Variants in ADCYAP1R1 observed in about 807,000 individuals in gnomAD.
The protein encoded by ADCYAP1R1 is pituitary adenylate cyclase-activating polypeptide type I receptor.
Under a neutral mutation model 67.6 loss-of-function variants are expected in ADCYAP1R1, and 44 were observed. The observed-to-expected ratio is 0.65, with a 90% CI of 0.51 to 0.84. ADCYAP1R1 has a LOEUF of 0.84. Ranked by LOEUF, ADCYAP1R1 falls within the 40% of genes least tolerant of loss-of-function variation. ADCYAP1R1 has a pLI of 0.00. For missense variants in ADCYAP1R1, 477 were observed against 587.9 expected (o/e 0.81, Z 1.95); for synonymous variants, 222 against 219.6 (o/e 1.01, Z -0.10).
chr7:31,080,773 C>T (rs1795484112), intron 5 of ADCYAP1R1, 140 bp downstream of exon 5: 2 of 841,238 alleles, frequency 2.4e-6, no homozygotes, highest in South Asian at 1.7e-5. Flanking sequence ...AGGTTCTTTC[C>T]TCCTTCCTTC....
chr7:31,100,202 C>A (rs143992055), intron 13 of ADCYAP1R1: 1 of 1,550,568 alleles, frequency 6.4e-7, no homozygotes, highest in East Asian at 2.4e-5. Context: ...AACTGTCCAC[C>A]ATTACTCTGT....
intron 3 of ADCYAP1R1, among the ~76,000 whole-genome samples, chr7:31,076,994 G>A (rs1795257801): frequency 6.6e-6 from 1 of 152,172 alleles, no homozygotes; most frequent in African/African-American, 2.4e-5. Flanking sequence ...GTGCAGCTGT[G>A]GGGCTGCGGG....
At chr7:31,054,227 T>C (rs904861109) in intron 1 of ADCYAP1R1, among the ~76,000 whole-genome samples, 1 of 152,096 alleles carries the variant, frequency 6.6e-6, no homozygotes, top group African/African-American at 2.4e-5. Context: ...GCCTGATACT[T>C]TTCCTCTTTG....
At chr7:31,060,798 C>T (rs573959733) in intron 1 of ADCYAP1R1, among the ~76,000 whole-genome samples, 1 of 152,338 alleles carries the variant, frequency 6.6e-6, no homozygotes, top group East Asian at 1.9e-4. Flanking sequence ...CCGGCTCCCC[C>T]ACCCCACCAG....
At chr7:31,094,350 C>G (rs1028085206) in intron 13 of ADCYAP1R1, among the ~76,000 whole-genome samples, 1 of 152,138 alleles carries the variant, frequency 6.6e-6, no homozygotes, top group South Asian at 2.1e-4. Context: ...AATAGGGCCC[C>G]GCTGCTCGCC....
chr7:31,096,432 C>G (rs894155173), intron 13 of ADCYAP1R1, among the ~76,000 whole-genome samples: 2 of 152,186 alleles, frequency 1.3e-5, no homozygotes, highest in Admixed American at 1.3e-4. Context: ...CACAGCACCT[C>G]CTCCCCTGCC....
At chr7:31,053,572 G>C (rs1794117743) in intron 1 of ADCYAP1R1, among the ~76,000 whole-genome samples, 1 of 152,248 alleles carries the variant, frequency 6.6e-6, no homozygotes, top group Non-Finnish European at 1.5e-5. Flanking sequence ...GTGGAGCTGA[G>C]GAGGGGAGCC....
Position 31,086,686 on chromosome 7 carries a change from TTCTC to T in ADCYAP1R1, c.823+150_823+153del. On this transcript the variant is annotated intron_variant, in intron 10 of 15. Coordinates refer to ENST00000304166, the MANE Select transcript of ADCYAP1R1 (RefSeq NM_001118.5). The surrounding 1 kb of genome is among the most constrained non-coding windows in gnomAD (Gnocchi z 5.0). ...TGGCCTAGGCTCTGTCTTGGACTCT[TTCTC>T]AATCTTCTTGCCTGTGGAAAGCCCA... 9.6e-7 allele frequency: 1 copy of T among 1,039,268 alleles called. No homozygotes were observed. Among genetic ancestry groups the T allele is most frequent in the East Asian group, 2.6e-5 (1 of 39,138 alleles). The allele number at this position is 1,039,268 out of a possible 1,614,324, so 64.4% of individuals were successfully genotyped here. A position where few individuals can be genotyped will look rare whatever the true frequency, so the allele number is the denominator to read the frequency against.
At chr7:31,080,444 C>G (rs1258755618) in intron 4 of ADCYAP1R1, among the ~76,000 whole-genome samples, 169 bp from the exon 5 acceptor site, 1 of 152,132 alleles carries the variant, frequency 6.6e-6, no homozygotes, top group Non-Finnish European at 1.5e-5. Context: ...TCCAGTGTCC[C>G]CAGCTTATAG....
intron 1 of ADCYAP1R1, among the ~76,000 whole-genome samples, chr7:31,054,489 G>A (rs566736873): frequency 2.0e-5 from 3 of 152,304 alleles, no homozygotes; most frequent in Admixed American, 6.5e-5. Context: ...TCTGTTGTGC[G>A]TCAACTTTGG....
intron 4 of ADCYAP1R1, among the ~76,000 whole-genome samples, chr7:31,078,651 G>C (rs1223232688): frequency 6.6e-6 from 1 of 152,230 alleles, no homozygotes; most frequent in Non-Finnish European, 1.5e-5. Context: ...CACATGCAGA[G>C]CCACTTAGAC....
intron 6 of ADCYAP1R1, among the ~76,000 whole-genome samples, chr7:31,082,015 T>C (rs539292122): frequency 6.6e-6 from 1 of 152,358 alleles, no homozygotes; most frequent in Admixed American, 6.5e-5. Flanking sequence ...AGCTCCTGGA[T>C]TGGATGATCC....
chr7:31,052,511 C>T lies in ADCYAP1R1; in HGVS notation c.-239C>T, dbSNP rs1255002843. The T allele has an allele frequency of 6.7e-6, 1 of 150,354 alleles. No homozygotes were observed. Among genetic ancestry groups the T allele is most frequent in the Non-Finnish European group, 1.5e-5 (1 of 67,484 alleles). The allele number at this position is 150,354 out of a possible 1,614,324, so 9.3% of individuals were successfully genotyped here. A position where few individuals can be genotyped will look rare whatever the true frequency, so the allele number is the denominator to read the frequency against. ...ACGCACACGCCGCCGCGCAGGGACA[C>T]ACGGACCCCGGCCGCCAGCCGGCCA... On this transcript the variant is annotated 5_prime_UTR_variant, in exon 1 of 16. Coordinates refer to ENST00000304166, the MANE Select transcript of ADCYAP1R1 (RefSeq NM_001118.5).
At chr7:31,064,979 C>A in intron 3 of ADCYAP1R1, 43 bp downstream of exon 3, 1 of 1,459,096 alleles carries the variant, frequency 6.9e-7, no homozygotes, top group South Asian at 1.3e-5. Flanking sequence ...CCAGTGCCAG[C>A]TTTTAGAACT....
rs1321341188 is a variant in ADCYAP1R1 at position 31,095,825 on chromosome 7, C to T, written c.1046+3090C>T. 7.2e-6 allele frequency: 5 copies of T among 697,518 alleles called. No homozygotes were observed. The East Asian group carries it at 1.3e-4, about 19-fold the overall frequency. The allele number at this position is 697,518 out of a possible 1,614,324, so 43.2% of individuals were successfully genotyped here. ...CAAGACGGTATTCCTGGCCCAGCCT[C>T]AGAAGCACCTGATGGGGTCTGGGGC... On this transcript the variant is annotated intron_variant, in intron 13 of 15. Transcript: ENST00000304166.
intron 3 of ADCYAP1R1, among the ~76,000 whole-genome samples, chr7:31,069,375 A>G (rs1374637623): frequency 1.3e-5 from 2 of 152,208 alleles, no homozygotes; most frequent in African/African-American, 4.8e-5. Flanking sequence ...CATGCACAGA[A>G]CGCTGGCCAA....
At position 31,065,595 on chromosome 7, in the gene ADCYAP1R1, G is replaced by C. The variant is rs182916281; in HGVS notation, c.157+659G>C. On this transcript the variant is annotated intron_variant, in intron 3 of 15. Transcript: ENST00000304166. ...TTCAAATGTCCCAAGGGAGTGGCAC[G>C]ATCCCTGGTAAGAACCAGTGGCCCC... Among the ~76,000 whole-genome samples the C allele has an allele frequency of 3.9e-5, 6 of 152,260 alleles. No individual in the cohort carries two copies. The East Asian group carries it at 9.7e-4, about 25-fold the overall frequency.
At chr7:31,067,474 G>A (rs531827054) in intron 3 of ADCYAP1R1, among the ~76,000 whole-genome samples, 1 of 151,998 alleles carries the variant, frequency 6.6e-6, no homozygotes, top group East Asian at 1.9e-4. Flanking sequence ...CTTCCTGTGT[G>A]CCAGGCTCTG....
In ADCYAP1R1 at chr7:31,085,445, G is replaced by A. The variant is rs1795700764; in HGVS notation, c.669+3G>A. The A allele has an allele frequency of 6.2e-7, 1 of 1,611,954 alleles. No homozygotes were observed. The highest frequency in any genetic ancestry group is 1.1e-5 in the South Asian group (1 of 90,922). ...GCAACCACTGCTTCATCTCCACTGT[G>A]AGTGAGCCAAGCAGACCCATTAGGG... is the stretch of plus-strand genomic sequence containing the variant. On this transcript the variant is annotated splice_donor_region_variant and intron_variant, in intron 9 of 15. Coordinates refer to ENST00000304166, the MANE Select transcript of ADCYAP1R1 (RefSeq NM_001118.5).
Sources: gnomAD v4.1 joint callset for allele counts (sites outside exome capture counted in the v4.1 genomes callset) on GRCh38, gnomAD v4.1.1 for gene constraint, Gnocchi (gnomAD v3.1) non-coding constraint, MANE v1.5 for transcripts, NCBI Gene and HGNC (gene_info 2026-07-23, HGNC 2026-07-21) for gene names.